TIMELESS: variants seen among roughly 807,000 people sequenced by gnomAD.
TIMELESS encodes the protein protein timeless homolog.
A neutral mutation model predicts 164.3 loss-of-function variants in TIMELESS; 124 were observed. The ratio of observed to expected loss-of-function variants is 0.75; its 90% CI spans 0.65 to 0.88. The LOEUF is 0.88. Ranked by LOEUF, TIMELESS falls within the 40% of genes least tolerant of loss-of-function variation. TIMELESS has a pLI of 0.00. For synonymous variants in TIMELESS, 564 were observed against 563.4 expected (o/e 1.00, Z -0.02); for missense variants, 1,422 against 1,491.4 (o/e 0.95, Z 0.77).
At chr12:56,434,435 T>C (rs1592253023) in intron 1 of TIMELESS, among the ~76,000 whole-genome samples, 1 of 152,298 alleles carries the variant, frequency 6.6e-6, no homozygotes, top group African/African-American at 2.4e-5. Flanking sequence ...GGCTCCAGCC[T>C]ATGAATTAAG....
At chr12:56,433,246 C>T in intron 5 of TIMELESS, 119 bp from the exon 6 acceptor site, 1 of 1,381,910 alleles carries the variant, frequency 7.2e-7, no homozygotes, top group South Asian at 1.2e-5. Context: ...TCAAACAGTA[C>T]TGAGGCAGCC....
In TIMELESS at chr12:56,433,666, A is replaced by C. The variant is rs778517499; in HGVS notation, c.252-14T>G. ...TTCACCATCAGTCTGGGAGACAATG[A>C]AGGAGGGAGAAGTTGTTAAGTTTCT... is the stretch of plus-strand genomic sequence containing the variant. On this transcript the variant is annotated splice_polypyrimidine_tract_variant and intron_variant, in intron 3 of 28. Transcript: ENST00000553532. 4.3e-6 allele frequency: 7 copies of C among 1,613,992 alleles called. No individual in the cohort carries two copies. The East Asian group carries it at 1.6e-4, about 36-fold the overall frequency.
rs375254976 is a variant in TIMELESS, at chr12:56,425,029, G to A, written c.1702C>T (p.Gln568Ter). 5 of 1,614,112 alleles carry A rather than the reference G, an allele frequency of 3.1e-6. No individual in the cohort carries two copies. In the African/African-American group the frequency reaches 6.7e-5, roughly 22 times the overall value. Residue 568 changes from glutamine (Q) to a stop codon, truncating the protein, a stop_gained, in exon 14 of 29, where the codon CAG (glutamine) becomes TAG (stop). Transcript: ENST00000553532. LOFTEE classifies it high-confidence loss of function. ...AVWPALAEQLQCCAQNSELSM... is the reference protein window; with the variant it reads ...AVWPALAEQL ...TAACCACCTACCTGGGCACAGCACT[G>A]TAGCTGCTCAGCCAGGGCTGGCCAC...
intron 7 of TIMELESS, 85 bp downstream of exon 7, chr12:56,432,284 C>A: frequency 6.8e-7 from 1 of 1,471,478 alleles, no homozygotes; most frequent in South Asian, 1.4e-5. Flanking sequence ...CCAGATAATG[C>A]AGCCATTATC....
At chr12:56,444,519 A>G (rs1362060960) in intron 1 of TIMELESS, among the ~76,000 whole-genome samples, 1 of 151,934 alleles carries the variant, frequency 6.6e-6, no homozygotes, top group African/African-American at 2.4e-5. Context: ...TACTAGCCCC[A>G]TCCCCATATA....
In TIMELESS at chr12:56,438,858, T is replaced by A. The variant is rs554001535; in HGVS notation, c.-61-4627A>T. 7.9e-5 allele frequency among the ~76,000 whole-genome samples: 11 copies of A among 138,904 alleles called. No homozygotes were observed. In the East Asian group the frequency reaches 2.2e-3, roughly 28 times the overall value. The allele number at this position is 138,904 out of a possible 152,430, so 91.1% of individuals were successfully genotyped here. ...ATGAAGTAGATGAAACTTGAAAACATGTTCAGTGAAAGAAGCCAAACACAG... is the reference window on the plus strand; with the variant it reads ...ATGAAGTAGATGAAACTTGAAAACAAGTTCAGTGAAAGAAGCCAAACACAG... On this transcript the variant is annotated intron_variant, in intron 1 of 28. Coordinates refer to ENST00000553532, the MANE Select transcript of TIMELESS (RefSeq NM_003920.5).
chr12:56,431,356 A>AC, intron 8 of TIMELESS, 115 bp downstream of exon 8: 1 of 669,006 alleles, frequency 1.5e-6, no homozygotes, highest in Non-Finnish European at 1.9e-6. Flanking sequence ...TTCTGTCTCA[A>AC]AAAAAAAAAA....
chr12:56,429,497 C>CTT (rs35987061), intron 10 of TIMELESS, among the ~76,000 whole-genome samples: 6 of 50,086 alleles, frequency 1.2e-4, no homozygotes, highest in African/African-American at 3.1e-4. Flanking sequence ...TGCGCCTGGT[C>CTT]TTTTTTTTTT....
In TIMELESS at chr12:56,433,436, G is replaced by C; in HGVS notation, c.374C>G (p.Ala125Gly). Reference sequence around the variant, plus strand: ...GAGGACTCCAAAAGCCTTCTCACTGGCAAAGGCCTGTGAAATAGGGAACCT... The same window carrying C: ...GAGGACTCCAAAAGCCTTCTCACTGCCAAAGGCCTGTGAAATAGGGAACCT... ...TYLQAYKEAF[A>G]SEKAFGVLSE... Residue 125 changes from alanine to glycine, a missense_variant, in exon 5 of 29, where the codon GCC becomes GGC. By Grantham distance (60) the Ala-to-Gly change is moderately conservative (BLOSUM62 0). Transcript: ENST00000553532. 3 of 1,614,180 alleles carry C rather than the reference G, an allele frequency of 1.9e-6. No homozygotes were observed. The highest frequency in any genetic ancestry group is 2.5e-6 in the Non-Finnish European group (3 of 1,180,034).
intron 1 of TIMELESS, among the ~76,000 whole-genome samples, chr12:56,435,505 T>C (rs1443338682): frequency 6.6e-6 from 1 of 152,186 alleles, no homozygotes; most frequent in African/African-American, 2.4e-5. Context: ...ACTCTGGGCA[T>C]GTGCCATCAT....
In TIMELESS at chr12:56,428,292, G is replaced by A. The variant is rs1385920629; in HGVS notation, c.1522C>T (p.Leu508Phe). The A allele has an allele frequency of 6.2e-7, 1 of 1,613,224 alleles. No individual in the cohort carries two copies. The highest frequency in any genetic ancestry group is 1.3e-5 in the African/African-American group (1 of 75,016). ...AATCGCTCCAACATTTTGAGGAAGA[G>A]GTGGGTGGTCTCCACCAGGTCACGA... is the stretch of plus-strand genomic sequence containing the variant. ...FLRDLVETTHLFLKMLERFCR... is the reference protein window; with the variant it reads ...FLRDLVETTHFFLKMLERFCR... Residue 508 changes from leucine (L) to phenylalanine (F), a missense_variant, in exon 13 of 29, where the codon CTC becomes TTC. Physicochemically the swap from Leu to Phe is conservative, Grantham distance 22 (BLOSUM62 0). Transcript: ENST00000553532.
rs1474635692 is a variant in TIMELESS at position 56,430,149 on chromosome 12, C to CA, written c.1041dup (p.Glu348Ter). The CA allele has an allele frequency of 6.2e-7, 1 of 1,613,752 alleles. No homozygotes were observed. Among genetic ancestry groups the CA allele is most frequent in the East Asian group, 2.2e-5 (1 of 44,866 alleles). ...CGGTTGTAACAGTTCTCCAGGAACT[C>CA]AGAGCAGAAGTCTCTGAGGAAGAGC... On this transcript the variant is annotated frameshift_variant, in exon 10 of 29. Coordinates refer to ENST00000553532, the MANE Select transcript of TIMELESS (RefSeq NM_003920.5). LOFTEE classifies it high-confidence loss of function.
intron 26 of TIMELESS, among the ~76,000 whole-genome samples, chr12:56,420,325 T>G (rs1469312081): frequency 1.3e-5 from 2 of 151,750 alleles, no homozygotes; most frequent in African/African-American, 2.4e-5. Flanking sequence ...AAGACTATAT[T>G]TTAAAAAGAT....
intron 18 of TIMELESS, 74 bp from the exon 19 acceptor site, chr12:56,423,066 C>T: frequency 6.5e-7 from 1 of 1,542,114 alleles, no homozygotes; most frequent in Non-Finnish European, 8.8e-7. Flanking sequence ...TAGGTATTTT[C>T]TCTATAGCTG....
At position 56,430,245 on chromosome 12, in the gene TIMELESS, T is replaced by C. The variant is rs1881829829; in HGVS notation, c.946A>G (p.Lys316Glu). 1 of 1,613,732 alleles carries C rather than the reference T, an allele frequency of 6.2e-7. No individual in the cohort carries two copies. The highest frequency in any genetic ancestry group is 1.3e-5 in the African/African-American group (1 of 74,924). Reference sequence around the variant, plus strand: ...GCCTGGCGACGTTTAGGCACCTTTTTCGGCTGCTTTCCCAAATCTGAACTG... The same window carrying C: ...GCCTGGCGACGTTTAGGCACCTTTTCCGGCTGCTTTCCCAAATCTGAACTG... ...NYSSDLGKQP[K>E]KVPKRRQAAR... is the part of the protein sequence containing the mutation. The change falls in exon 10 of 29, where the codon AAA (lysine) becomes GAA (glutamate). Residue 316 changes from lysine to glutamate, a missense_variant. Coordinates refer to ENST00000553532, the MANE Select transcript of TIMELESS (RefSeq NM_003920.5).
intron 10 of TIMELESS, among the ~76,000 whole-genome samples, chr12:56,429,302 G>A (rs1243408645): frequency 1.3e-5 from 2 of 151,666 alleles, no homozygotes; most frequent in African/African-American, 2.4e-5. Context: ...GGGTTCAAGC[G>A]ATTCTCCTGC....
rs372192746 is a variant in TIMELESS, at chr12:56,425,028, T to C, written c.1703A>G (p.Gln568Arg). 2.2e-5 allele frequency: 35 copies of C among 1,614,114 alleles called. No homozygotes were observed. The highest frequency in any genetic ancestry group is 2.8e-5 in the Non-Finnish European group (33 of 1,180,040). Residue 568 changes from glutamine to arginine, a missense_variant, in exon 14 of 29, where the codon CAG becomes CGG. By Grantham distance (43) the Gln-to-Arg change is conservative. Transcript: ENST00000553532. ...AVWPALAEQL[Q>R]CCAQNSELSM... The stretch of plus-strand genomic sequence containing the variant: ...GTAACCACCTACCTGGGCACAGCAC[T>C]GTAGCTGCTCAGCCAGGGCTGGCCA...
chr12:56,419,872 T>C (rs1375092923), intron 26 of TIMELESS, among the ~76,000 whole-genome samples: 2 of 150,290 alleles, frequency 1.3e-5, no homozygotes, highest in East Asian at 3.9e-4. Flanking sequence ...CTGGGAGTGG[T>C]AATATAGGCC....
At chr12:56,448,965 A>C (rs1340160213) in intron 1 of TIMELESS, among the ~76,000 whole-genome samples, 1 of 151,890 alleles carries the variant, frequency 6.6e-6, no homozygotes, top group Admixed American at 6.6e-5. Context: ...TTTTTTCAGG[A>C]GGTCTCAACT....
Sources: gnomAD v4.1 joint callset for allele counts (sites outside exome capture counted in the v4.1 genomes callset) on GRCh38, gnomAD v4.1.1 for gene constraint, MANE v1.5 for transcripts, NCBI Gene and HGNC (gene_info 2026-07-23, HGNC 2026-07-21) for gene names.